Variants in LIN28A observed in about 807,000 individuals in gnomAD.
LIN28A encodes lin-28 RNA binding posttranscriptional regulator A.
In LIN28A, 11 loss-of-function variants were observed where a neutral mutation model predicts 21.1. The observed-to-expected ratio is 0.52, with a 90% CI of 0.33 to 0.86. The LOEUF (loss-of-function observed/expected upper bound fraction) is 0.86. Among genes scored for constraint, LIN28A ranks in the 40% least tolerant of loss-of-function variants. LIN28A has a pLI of 0.03. For synonymous variants in LIN28A, 111 were observed against 108.7 expected (o/e 1.02, Z -0.13); for missense variants, 219 against 279.8 (o/e 0.78, Z 1.55).
rs35198558 is a variant in LIN28A at position 26,428,152 on chromosome 1, TG to T, written c.*1699del. ...TGTATTGGTCTTTCTCCGTGTTCTT[TG>T]GGGGTTTTGTTTACAAACTTCTTTT... On this transcript the variant is annotated 3_prime_UTR_variant, in exon 4 of 4. Coordinates refer to ENST00000326279, the MANE Select transcript of LIN28A (RefSeq NM_024674.6). 6.6e-6 allele frequency: 1 copy of T among 152,658 alleles called. No homozygotes were observed. Among genetic ancestry groups the T allele is most frequent in the African/African-American group, 2.4e-5 (1 of 41,450 alleles). The allele number at this position is 152,658 out of a possible 1,614,324, so 9.5% of individuals were successfully genotyped here.
intron 2 of LIN28A, among the ~76,000 whole-genome samples, chr1:26,421,884 C>T (rs1196727244): frequency 6.6e-6 from 1 of 152,116 alleles, no homozygotes; most frequent in Non-Finnish European, 1.5e-5. Flanking sequence ...ACATTTTGCC[C>T]CATTTGCTTT....
chr1:26,422,066 T>G (rs547009722), intron 2 of LIN28A, among the ~76,000 whole-genome samples: 2 of 151,054 alleles, frequency 1.3e-5, no homozygotes, highest in South Asian at 2.1e-4. Flanking sequence ...TGGAGCACAG[T>G]TGTGTGATCT....
chr1:26,423,838 C>G (rs1165065272), intron 2 of LIN28A, among the ~76,000 whole-genome samples: 2 of 151,972 alleles, frequency 1.3e-5, no homozygotes, highest in African/African-American at 2.4e-5. Context: ...TCTCAGCTCA[C>G]TGCAAGCTCT....
Position 26,426,950 on chromosome 1 carries a change from G to T in LIN28A, c.*492G>T. ...TACCCACTTTTGGGATAGGGTGCTG[G>T]CAGCTGTCCCAAGCAATGGGTAATG... is the stretch of plus-strand genomic sequence containing the variant. On this transcript the variant is annotated 3_prime_UTR_variant, in exon 4 of 4. Coordinates refer to ENST00000326279, the MANE Select transcript of LIN28A (RefSeq NM_024674.6). 1 of 170,296 alleles carries T rather than the reference G, an allele frequency of 5.9e-6. No individual in the cohort carries two copies. The highest frequency in any genetic ancestry group is 1.5e-4 in the South Asian group (1 of 6,734). The allele number at this position is 170,296 out of a possible 1,614,324, so 10.5% of individuals were successfully genotyped here.
chr1:26,425,077 A>G (rs1413875660), intron 2 of LIN28A, among the ~76,000 whole-genome samples: 1 of 152,168 alleles, frequency 6.6e-6, no homozygotes, highest in Non-Finnish European at 1.5e-5. Flanking sequence ...TTAAACCTGA[A>G]TAGCTACAAA....
Position 26,426,394 on chromosome 1 carries a change from C to A in LIN28A, c.566C>A (p.Thr189Asn), listed in dbSNP as rs201124162. ...GGCCCTAGTGCACAGGGAAAGCCAACCTACTTTCGAGAGGAAGAAGAAGAA... is the reference window on the plus strand; with the variant it reads ...GGCCCTAGTGCACAGGGAAAGCCAAACTACTTTCGAGAGGAAGAAGAAGAA... ...QQGPSAQGKP[T>N]YFREEEEEIH... The change falls in exon 4 of 4, where the codon ACC becomes AAC. Residue 189 changes from threonine to asparagine, a missense_variant. Thr to Asn is a moderately conservative substitution (Grantham distance 65). Transcript: ENST00000326279. 6.2e-7 allele frequency: 1 copy of A among 1,614,218 alleles called. No individual in the cohort carries two copies. The highest frequency in any genetic ancestry group is 8.5e-7 in the Non-Finnish European group (1 of 1,180,046).
chr1:26,424,766 A>C (rs2075048704), intron 2 of LIN28A, among the ~76,000 whole-genome samples: 2 of 152,036 alleles, frequency 1.3e-5, no homozygotes, highest in South Asian at 4.1e-4. Context: ...TTTTGAGACA[A>C]AGTCTCACTC....
intron 2 of LIN28A, among the ~76,000 whole-genome samples, chr1:26,415,037 T>G (rs1178469099): frequency 6.6e-6 from 1 of 152,168 alleles, no homozygotes; most frequent in Non-Finnish European, 1.5e-5. Context: ...ACTCTCAAGA[T>G]TTATAGAAAT....
At chr1:26,414,008 T>C (rs1182182185) in intron 2 of LIN28A, among the ~76,000 whole-genome samples, 1 of 151,944 alleles carries the variant, frequency 6.6e-6, no homozygotes, top group Non-Finnish European at 1.5e-5. Flanking sequence ...TTTGTATTTT[T>C]AGTAAAGACG....
intron 2 of LIN28A, among the ~76,000 whole-genome samples, chr1:26,419,062 GTCTTT>G (rs1390748652): frequency 6.6e-6 from 1 of 151,410 alleles, no homozygotes; most frequent in East Asian, 1.9e-4. Context: ...TCCCCCTAAG[GTCTTT>G]TCTTTTTGGA....
In LIN28A at chr1:26,411,675, A is replaced by G; in HGVS notation, c.228+93A>G. On this transcript the variant is annotated intron_variant, in intron 2 of 3. Coordinates refer to ENST00000326279, the MANE Select transcript of LIN28A (RefSeq NM_024674.6). The surrounding 1 kb of genome is among the most constrained non-coding windows in gnomAD (Gnocchi z 5.4). ...CGGGCTCGCAGTTGAATTGAGGGCC[A>G]TCGGGAGCCCTCATTATGCATCCCT... 7.8e-7 allele frequency: 1 copy of G among 1,287,358 alleles called. No homozygotes were observed. The highest frequency in any genetic ancestry group is 1.1e-6 in the Non-Finnish European group (1 of 910,336). 79.7% of individuals were successfully genotyped at this position (1,287,358 alleles called of 1,614,324 possible).
chr1:26,424,678 C>T (rs780609660), intron 2 of LIN28A, among the ~76,000 whole-genome samples: 1 of 152,198 alleles, frequency 6.6e-6, no homozygotes, highest in East Asian at 1.9e-4. Flanking sequence ...CTTTAAATTT[C>T]GTAATTTTAT....
chr1:26,414,478 C>G (rs1164093526), intron 2 of LIN28A, among the ~76,000 whole-genome samples: 4 of 152,180 alleles, frequency 2.6e-5, no homozygotes, highest in Admixed American at 6.5e-5. Flanking sequence ...CTTATGCTCT[C>G]TCCCAAATGC....
intron 2 of LIN28A, among the ~76,000 whole-genome samples, chr1:26,413,013 T>A (rs542878876): frequency 2.6e-5 from 4 of 152,216 alleles, no homozygotes; most frequent in Admixed American, 2.6e-4. Flanking sequence ...TTCTCCCTTC[T>A]CTGTCTCATT....
At chr1:26,412,676 G>T (rs2074968096) in intron 2 of LIN28A, among the ~76,000 whole-genome samples, 1 of 152,116 alleles carries the variant, frequency 6.6e-6, no homozygotes, top group African/African-American at 2.4e-5. Flanking sequence ...GCTTTAGGAG[G>T]TGTGGGGGAG....
Position 26,411,444 on chromosome 1 carries a change from G to T in LIN28A, c.90G>T (p.Arg30=). ...AGGAGGCGCCGGAGGACGCGGCCCG[G>T]GCGGCGGACGAGCCTCAGCTGCTGC... ...APEEAPEDAA[R]AADEPQLLHG... is the part of the protein sequence containing the mutation. Residue 30 remains arginine, a synonymous_variant, in exon 2 of 4, where the codon CGG becomes CGT. Transcript: ENST00000326279. This position sits in a 1 kb window ranked among gnomAD's most constrained non-coding sequence, Gnocchi z 5.4. 2 of 1,609,742 alleles carry T rather than the reference G, an allele frequency of 1.2e-6. No individual in the cohort carries two copies. The highest frequency in any genetic ancestry group is 2.2e-5 in the South Asian group (2 of 90,778).
intron 2 of LIN28A, among the ~76,000 whole-genome samples, chr1:26,418,312 C>T (rs1381443183): frequency 2.0e-5 from 3 of 151,954 alleles, no homozygotes; most frequent in African/African-American, 4.8e-5. Flanking sequence ...TTTGGGAGGC[C>T]GAGGCGGGTA....
rs1369923787 is a variant in LIN28A at position 26,427,015 on chromosome 1, C to CT, written c.*558dup. ...GGTGTTTGGGGGAACAGCTGCAGAC[C>CT]TGCTGCTCTATGCTCACCCCCGCCC... On this transcript the variant is annotated 3_prime_UTR_variant, in exon 4 of 4. Transcript: ENST00000326279. 1 of 161,120 alleles carries CT rather than the reference C, an allele frequency of 6.2e-6. No individual in the cohort carries two copies. Among genetic ancestry groups the CT allele is most frequent in the Non-Finnish European group, 1.4e-5 (1 of 72,994 alleles). 10.0% of individuals were successfully genotyped at this position (161,120 alleles called of 1,614,324 possible). A position where few individuals can be genotyped will look rare whatever the true frequency, so the allele number is the denominator to read the frequency against.
At chr1:26,412,675 G>T (rs966503990) in intron 2 of LIN28A, among the ~76,000 whole-genome samples, 2 of 152,108 alleles carry the variant, frequency 1.3e-5, no homozygotes, top group African/African-American at 4.8e-5. Flanking sequence ...GGCTTTAGGA[G>T]GTGTGGGGGA....
Sources: allele counts gnomAD v4.1 joint callset (sites outside exome capture counted in the v4.1 genomes callset), GRCh38; gene constraint gnomAD v4.1.1; non-coding constraint Gnocchi (gnomAD v3.1); transcripts MANE v1.5; gene names NCBI Gene and HGNC (gene_info 2026-07-23, HGNC 2026-07-21).